DIP2C: variants seen among roughly 807,000 people sequenced by gnomAD.
DIP2C encodes the protein DIP2 acetate--CoA ligase C (putative), also known as disco-interacting protein 2 homolog C.
A neutral mutation model predicts 192.4 loss-of-function variants in DIP2C; 33 were observed. That is an observed-to-expected ratio of 0.17 (90% CI 0.13 to 0.23). The LOEUF is 0.23. DIP2C is among the 10% of genes least tolerant of loss of function. The pLI, the probability that DIP2C is intolerant of heterozygous loss-of-function variation, is 1.00. For missense variants in DIP2C, 1,537 were observed against 2,110.1 expected (o/e 0.73, Z 5.32); for synonymous variants, 979 against 864.1 (o/e 1.13, Z -2.33).
chr10:329,147 C>T (rs567861605), intron 30 of DIP2C, among the ~76,000 whole-genome samples: 1 of 152,296 alleles, frequency 6.6e-6, no homozygotes, highest in African/African-American at 2.4e-5. Flanking sequence ...AACACTGAAT[C>T]CACCCAACAA....
rs113074387 is a variant in DIP2C, at chr10:390,714, G to A, written c.1384+26C>T. The A allele has an allele frequency of 9.3e-6, 15 of 1,606,138 alleles. No homozygotes were observed. The Middle Eastern group carries it at 5.0e-4, about 53-fold the overall frequency. ...CTTCTGACAAAGGACGTGGGCATGC[G>A]AGCTCTCGGAGGCTCGGTGGCTTAC... On this transcript the variant is annotated intron_variant, in intron 11 of 36. Transcript: ENST00000280886.
At chr10:365,512 G>T (rs1157259028) in intron 19 of DIP2C, among the ~76,000 whole-genome samples, 2 of 152,242 alleles carry the variant, frequency 1.3e-5, no homozygotes, top group African/African-American at 4.8e-5. Flanking sequence ...CCTCCAGCCT[G>T]AGTGACAGAG....
intron 29 of DIP2C, 49 bp downstream of exon 29, chr10:341,150 G>A: frequency 6.2e-7 from 1 of 1,612,578 alleles, no homozygotes; most frequent in Non-Finnish European, 8.5e-7. Flanking sequence ...GGTCTGGAGA[G>A]GAAGGTGCAT....
intron 17 of DIP2C, among the ~76,000 whole-genome samples, chr10:373,321 C>A (rs1226741965): frequency 1.3e-5 from 2 of 152,196 alleles, no homozygotes; most frequent in Non-Finnish European, 2.9e-5. Flanking sequence ...CTGCTCCAAT[C>A]CTATGCCCCA....
intron 1 of DIP2C, among the ~76,000 whole-genome samples, chr10:600,982 C>A (rs940723102): frequency 6.6e-6 from 1 of 152,188 alleles, no homozygotes; most frequent in Non-Finnish European, 1.5e-5. Flanking sequence ...CATGGGTAGC[C>A]AGCCTTGCCA....
At chr10:448,790 A>T in intron 3 of DIP2C, among the ~76,000 whole-genome samples, 1 of 142,954 alleles carries the variant, frequency 7.0e-6, no homozygotes, top group East Asian at 2.2e-4. Flanking sequence ...TCAGGATCAC[A>T]CACAGTGGGG....
chr10:446,402 T>C lies in DIP2C; in HGVS notation c.269-5406A>G, dbSNP rs561859122. On this transcript the variant is annotated intron_variant, in intron 3 of 36. Coordinates refer to ENST00000280886, the MANE Select transcript of DIP2C (RefSeq NM_014974.3). ...TATACCTCTGTTGTGAAGAGTCCCA[T>C]GGTCCACTGGGCATCTGTATACATC... Among the ~76,000 whole-genome samples, 8 of 152,052 alleles carry C rather than the reference T, an allele frequency of 5.3e-5. No individual in the cohort carries two copies. The East Asian group carries it at 9.7e-4, about 18-fold the overall frequency.
rs1315671186 is a variant in DIP2C, at chr10:668,536, C to T, written c.85+20958G>A. On this transcript the variant is annotated intron_variant, in intron 1 of 36. Transcript: ENST00000280886. ...ATACAAAACATACAACTCACAAATA[C>T]ATGTACAACACACTCATACAACACA... The T allele has an allele frequency of 3.3e-5, 5 of 152,168 alleles. No homozygotes were observed. The East Asian group carries it at 9.6e-4, about 29-fold the overall frequency. 9.4% of individuals were successfully genotyped at this position (152,168 alleles called of 1,614,324 possible).
chr10:633,828 C>G (rs964461957), intron 1 of DIP2C, among the ~76,000 whole-genome samples: 5 of 152,228 alleles, frequency 3.3e-5, no homozygotes, highest in African/African-American at 4.8e-5. Flanking sequence ...TGGGGTGACC[C>G]TACCCCATAG....
chr10:472,053 G>A (rs1047962087), intron 3 of DIP2C, among the ~76,000 whole-genome samples: 17 of 152,286 alleles, frequency 1.1e-4, no homozygotes, highest in Admixed American at 6.5e-5. Flanking sequence ...ACATAACAAT[G>A]TATGGTTTTC....
chr10:562,796 G>A (rs533355873), intron 1 of DIP2C, among the ~76,000 whole-genome samples: 7 of 152,284 alleles, frequency 4.6e-5, no homozygotes, highest in African/African-American at 1.7e-4. Flanking sequence ...GATACATTTG[G>A]AGAGGACACA....
Position 341,179 on chromosome 10 carries a change from G to A in DIP2C, c.3584+20C>T, listed in dbSNP as rs1564582348. On this transcript the variant is annotated intron_variant, in intron 29 of 36. Transcript: ENST00000280886. The stretch of plus-strand genomic sequence containing the variant: ...GGTGCATGATTTTTTTTAATGTAAA[G>A]ATATAGAGAGGCATCTTACCTGCAG... The A allele has an allele frequency of 6.2e-7, 1 of 1,613,980 alleles. No individual in the cohort carries two copies.
intron 35 of DIP2C, 120 bp downstream of exon 35, chr10:283,152 G>C (rs1266454600): frequency 7.4e-7 from 1 of 1,346,286 alleles, no homozygotes; most frequent in African/African-American, 1.4e-5. Flanking sequence ...CTGGGTTGTA[G>C]CTAGCACACG....
chr10:669,622 G>A (rs575958532), intron 1 of DIP2C: 12 of 152,324 alleles, frequency 7.9e-5, no homozygotes, highest in African/African-American at 1.9e-4. Context: ...TATGATGCAG[G>A]TAAGAGGCAG....
chr10:551,804 T>C (rs1848603926), intron 1 of DIP2C, among the ~76,000 whole-genome samples: 1 of 152,208 alleles, frequency 6.6e-6, no homozygotes, highest in South Asian at 2.1e-4. Flanking sequence ...AGCCAGGCTC[T>C]GGGGTTCAAC....
intron 24 of DIP2C, among the ~76,000 whole-genome samples, chr10:350,847 T>C (rs1310400913): frequency 3.3e-5 from 5 of 152,040 alleles, no homozygotes; most frequent in Non-Finnish European, 5.9e-5. Flanking sequence ...GGGGTTTCAC[T>C]ATGTTGGCCA....
In DIP2C at chr10:341,191, C is replaced by T. The variant is rs1589538031; in HGVS notation, c.3584+8G>A. The T allele has an allele frequency of 1.2e-5, 19 of 1,613,878 alleles. No homozygotes were observed. Among genetic ancestry groups the T allele is most frequent in the Non-Finnish European group, 1.6e-5 (19 of 1,180,008 alleles). On this transcript the variant is annotated splice_region_variant and intron_variant, in intron 29 of 36. Transcript: ENST00000280886. Reference sequence around the variant, plus strand: ...TTTTTAATGTAAAGATATAGAGAGGCATCTTACCTGCAGAGGCACCAGAGG... The same window carrying T: ...TTTTTAATGTAAAGATATAGAGAGGTATCTTACCTGCAGAGGCACCAGAGG...
chr10:625,085 T>C (rs1372041571), intron 1 of DIP2C, among the ~76,000 whole-genome samples: 3 of 152,108 alleles, frequency 2.0e-5, no homozygotes, highest in Non-Finnish European at 4.4e-5. Context: ...TAGACGCAGG[T>C]GCCTGATATT....
In DIP2C at chr10:422,952, T is replaced by C. The variant is rs139951455; in HGVS notation, c.476A>G (p.Asn159Ser). 1.2e-5 allele frequency: 19 copies of C among 1,614,200 alleles called. No individual in the cohort carries two copies. The highest frequency in any genetic ancestry group is 4.0e-5 in the African/African-American group (3 of 75,070). ...GGCCTGGCTGATCCAGTGCTCCATA[T>C]TGATGCTGCCCTGGCTGGAGGTGGG... is the stretch of plus-strand genomic sequence containing the variant. ...GTPTSSQGSI[N>S]MEHWISQAIH... Residue 159 changes from asparagine to serine, a missense_variant, in exon 5 of 37, where the codon AAT becomes AGT. By Grantham distance (46) the Asn-to-Ser change is conservative. Transcript: ENST00000280886.
Sources: gnomAD v4.1 joint callset for allele counts (sites outside exome capture counted in the v4.1 genomes callset) on GRCh38, gnomAD v4.1.1 for gene constraint, MANE v1.5 for transcripts, NCBI Gene and HGNC (gene_info 2026-07-23, HGNC 2026-07-21) for gene names.